NOPCHAP1: variants seen among roughly 807,000 people sequenced by gnomAD.
NOPCHAP1 encodes the protein DNA damage-sensitive RNA 1.
NOPCHAP1 carries 13 observed loss-of-function variants against 14.0 expected under a neutral mutation model. The ratio of observed to expected loss-of-function variants is 0.93; its 90% CI spans 0.60 to 1.47. The LOEUF (loss-of-function observed/expected upper bound fraction) is 1.47, where lower values mean the gene tolerates loss of function less well. Among genes scored for constraint, NOPCHAP1 ranks in the 40% most tolerant of loss-of-function variants. The probability of loss-of-function intolerance (pLI) is 0.00; values close to 1 mark genes in which losing one functional copy is unlikely to be tolerated. For missense variants in NOPCHAP1, 230 were observed against 226.9 expected (o/e 1.01, Z -0.09); for synonymous variants, 78 against 78.4 (o/e 1.00, Z 0.03).
chr12:104,996,032 T>G lies in NOPCHAP1; in HGVS notation c.*1336T>G, dbSNP rs1000429498. 2.0e-5 allele frequency: 3 copies of G among 152,116 alleles called. No homozygotes were observed. Among genetic ancestry groups the G allele is most frequent in the Non-Finnish European group, 4.4e-5 (3 of 68,022 alleles). The allele number at this position is 152,116 out of a possible 1,614,324, so 9.4% of individuals were successfully genotyped here. A position where few individuals can be genotyped will look rare whatever the true frequency, so the allele number is the denominator to read the frequency against. On this transcript the variant is annotated 3_prime_UTR_variant, in exon 4 of 4. Transcript: ENST00000552951. ...TTTTCTTCATCTATTCCAAGGTTGG[T>G]GCAAATTTCAATTGCTGACCATTTT...
In NOPCHAP1 at chr12:104,994,577, G is replaced by A. The variant is rs1303453153; in HGVS notation, c.439G>A (p.Asp147Asn). The change falls in exon 4 of 4, where the codon GAC (aspartate) becomes AAC (asparagine). Residue 147 changes from aspartate (D) to asparagine (N), a missense_variant. By Grantham distance (23) the Asp-to-Asn change is conservative. Coordinates refer to ENST00000552951, the MANE Select transcript of NOPCHAP1 (RefSeq NM_152318.3). ...TTCAGAGAACAGTTCAGAATCAGAAGACGAAGATGACAGCATCCCATCTGA... is the reference window on the plus strand; with the variant it reads ...TTCAGAGAACAGTTCAGAATCAGAAAACGAAGATGACAGCATCCCATCTGA... ...DSSENSSESEDEDDSIPSEVT... is the reference protein window; with the variant it reads ...DSSENSSESENEDDSIPSEVT... The A allele has an allele frequency of 1.2e-6, 2 of 1,612,904 alleles. No individual in the cohort carries two copies. Among genetic ancestry groups the A allele is most frequent in the Non-Finnish European group, 1.7e-6 (2 of 1,179,304 alleles).
At chr12:104,990,931 C>T (rs1873361563) in intron 2 of NOPCHAP1, among the ~76,000 whole-genome samples, 1 of 152,124 alleles carries the variant, frequency 6.6e-6, no homozygotes, top group South Asian at 2.1e-4. Context: ...GCTCAGTGTC[C>T]TCAGAGGTCA....
chr12:104,998,890 C>G lies in NOPCHAP1; in HGVS notation c.*4194C>G, dbSNP rs1023541587. ...GGCTGCTGGTCTCCATGCATAGTTT[C>G]ACACCACTGGCAGTGTTGACACAGG... On this transcript the variant is annotated 3_prime_UTR_variant, in exon 4 of 4. Coordinates refer to ENST00000552951, the MANE Select transcript of NOPCHAP1 (RefSeq NM_152318.3). The G allele has an allele frequency of 6.5e-6, 1 of 152,720 alleles. No homozygotes were observed. Among genetic ancestry groups the G allele is most frequent in the African/African-American group, 2.4e-5 (1 of 41,432 alleles). 9.5% of individuals were successfully genotyped at this position (152,720 alleles called of 1,614,324 possible).
chr12:104,988,178 A>T lies in NOPCHAP1; in HGVS notation c.127A>T (p.Arg43Trp), dbSNP rs369869604. 3.7e-6 allele frequency: 6 copies of T among 1,611,100 alleles called. No homozygotes were observed. The African/African-American group carries it at 8.0e-5, about 22-fold the overall frequency. ...GSDGRGGIWD[R>W]LLINSQPKSR... ...GTCTGTATTTTCAGGTATATGGGACAGGTTGCTCATCAACTCCCAACCTAA... is the reference window on the plus strand; with the variant it reads ...GTCTGTATTTTCAGGTATATGGGACTGGTTGCTCATCAACTCCCAACCTAA... Residue 43 changes from arginine (R) to tryptophan (W), a missense_variant, in exon 2 of 4, where the codon AGG becomes TGG. By Grantham distance (101) the Arg-to-Trp change is moderately radical. Coordinates refer to ENST00000552951, the MANE Select transcript of NOPCHAP1 (RefSeq NM_152318.3).
intron 2 of NOPCHAP1, 131 bp from the exon 3 acceptor site, chr12:104,991,581 A>G (rs549303606): frequency 2.2e-6 from 2 of 919,252 alleles, no homozygotes; most frequent in South Asian, 4.1e-5. Context: ...AGGGTTTTTA[A>G]ATGAAGGGAA....
intron 3 of NOPCHAP1, among the ~76,000 whole-genome samples, chr12:104,992,438 C>T (rs1873399727): frequency 6.6e-6 from 1 of 152,222 alleles, no homozygotes; most frequent in Admixed American, 6.5e-5. Flanking sequence ...TGGAGTATTG[C>T]AGCAATTTCT....
rs146108263 is a variant in NOPCHAP1, at chr12:105,009,515, T to A, written c.*14819T>A. On this transcript the variant is annotated 3_prime_UTR_variant, in exon 4 of 4. Coordinates refer to ENST00000552951, the MANE Select transcript of NOPCHAP1 (RefSeq NM_152318.3). ...CCAATACTATGTTGAATAGGAGTGGTGAGAGAGGGCATCCTTGTTTTGTGC... is the reference window on the plus strand; with the variant it reads ...CCAATACTATGTTGAATAGGAGTGGAGAGAGAGGGCATCCTTGTTTTGTGC... The A allele has an allele frequency of 6.6e-6, 1 of 152,304 alleles. No individual in the cohort carries two copies. Among genetic ancestry groups the A allele is most frequent in the African/African-American group, 2.4e-5 (1 of 41,562 alleles). 9.4% of individuals were successfully genotyped at this position (152,304 alleles called of 1,614,324 possible).
At position 104,988,251 on chromosome 12, in the gene NOPCHAP1, C is replaced by T. The variant is rs776606163; in HGVS notation, c.200C>T (p.Pro67Leu). The T allele has an allele frequency of 6.2e-7, 1 of 1,601,794 alleles. No individual in the cohort carries two copies. The highest frequency in any genetic ancestry group is 8.5e-7 in the Non-Finnish European group (1 of 1,169,978). Residue 67 changes from proline (P) to leucine (L), a missense_variant and splice_region_variant, in exon 2 of 4, where the codon CCC (proline) becomes CTC (leucine). Transcript: ENST00000552951. ...CAAACAGTTCGGATAGAGAGGAGTC[C>T]CTGTAAGTACCTCTTCCCCTCTCTC... ...TLQTVRIERSPLLDQVQTFLP... is the reference protein window; with the variant it reads ...TLQTVRIERSLLLDQVQTFLP...
At chr12:104,993,374 A>T (rs556977382) in intron 3 of NOPCHAP1, among the ~76,000 whole-genome samples, 1 of 151,882 alleles carries the variant, frequency 6.6e-6, no homozygotes, top group African/African-American at 2.4e-5. Context: ...GGGAAAAAAA[A>T]CCTCCAGGAT....
In NOPCHAP1 at chr12:105,005,936, TC is replaced by T. The variant is rs1873699352; in HGVS notation, c.*11241del. The T allele has an allele frequency of 6.6e-6, 1 of 152,274 alleles. No individual in the cohort carries two copies. The allele number at this position is 152,274 out of a possible 1,614,324, so 9.4% of individuals were successfully genotyped here. ...CAATGTGTTTTCTGATACTGATGCT[TC>T]TCCATCTTCCTCATCGTCTGGCACT... On this transcript the variant is annotated 3_prime_UTR_variant, in exon 4 of 4. Coordinates refer to ENST00000552951, the MANE Select transcript of NOPCHAP1 (RefSeq NM_152318.3).
rs1000213659 is a variant in NOPCHAP1 at position 105,000,396 on chromosome 12, C to G, written c.*5700C>G. 2.5e-4 allele frequency: 38 copies of G among 152,112 alleles called. No individual in the cohort carries two copies. Among genetic ancestry groups the G allele is most frequent in the African/African-American group, 8.9e-4 (37 of 41,412 alleles). The allele number at this position is 152,112 out of a possible 1,614,324, so 9.4% of individuals were successfully genotyped here. On this transcript the variant is annotated 3_prime_UTR_variant, in exon 4 of 4. Coordinates refer to ENST00000552951, the MANE Select transcript of NOPCHAP1 (RefSeq NM_152318.3). ...TAGTGGAGTTGTTTCCTGGTTTTTACCCATTAGCCCACAAACCCAAACAGT... is the reference window on the plus strand; with the variant it reads ...TAGTGGAGTTGTTTCCTGGTTTTTAGCCATTAGCCCACAAACCCAAACAGT...
chr12:104,994,466 T>C lies in NOPCHAP1; in HGVS notation c.340-12T>C. On this transcript the variant is annotated splice_polypyrimidine_tract_variant and intron_variant, in intron 3 of 3. Transcript: ENST00000552951. ...GCTCTGAAATAGATTTCCTGTCCAC[T>C]ACTTTTTGCAGGATGTGGCTTTGTT... is the stretch of plus-strand genomic sequence containing the variant. The C allele has an allele frequency of 6.2e-7, 1 of 1,611,826 alleles. No individual in the cohort carries two copies. The highest frequency in any genetic ancestry group is 8.5e-7 in the Non-Finnish European group (1 of 1,177,976).
In NOPCHAP1 at chr12:104,994,726, G is replaced by T; in HGVS notation, c.*30G>T. On this transcript the variant is annotated 3_prime_UTR_variant, in exon 4 of 4. Coordinates refer to ENST00000552951, the MANE Select transcript of NOPCHAP1 (RefSeq NM_152318.3). Reference sequence around the variant, plus strand: ...ATAAATTATCTGAAAAGAAACAGGTGACATATGTCTGCAAATTCTGTGAAA... The same window carrying T: ...ATAAATTATCTGAAAAGAAACAGGTTACATATGTCTGCAAATTCTGTGAAA... 1 of 1,552,660 alleles carries T rather than the reference G, an allele frequency of 6.4e-7. No homozygotes were observed. The highest frequency in any genetic ancestry group is 1.2e-5 in the South Asian group (1 of 86,718).
chr12:105,006,800 G>A lies in NOPCHAP1; in HGVS notation c.*12104G>A, dbSNP rs891061916. ...TTTTTTTTTTAACTTTTAGGTTCAA[G>A]GGTACTTGTGTGCAGGTTTGTTATA... On this transcript the variant is annotated 3_prime_UTR_variant, in exon 4 of 4. Coordinates refer to ENST00000552951, the MANE Select transcript of NOPCHAP1 (RefSeq NM_152318.3). The A allele has an allele frequency of 6.6e-6, 1 of 151,816 alleles. No individual in the cohort carries two copies. Among genetic ancestry groups the A allele is most frequent in the Non-Finnish European group, 1.5e-5 (1 of 67,976 alleles). The allele number at this position is 151,816 out of a possible 1,614,324, so 9.4% of individuals were successfully genotyped here.
In NOPCHAP1 at chr12:105,005,851, A is replaced by G. The variant is rs1459197807; in HGVS notation, c.*11155A>G. 1.3e-5 allele frequency: 2 copies of G among 152,236 alleles called. No homozygotes were observed. Among genetic ancestry groups the G allele is most frequent in the Non-Finnish European group, 2.9e-5 (2 of 68,046 alleles). The allele number at this position is 152,236 out of a possible 1,614,324, so 9.4% of individuals were successfully genotyped here. ...TGTGTATCATAGAAAGGTCCATGTT[A>G]TAAAAGAAGTCAAAAGCAACCTTGA... On this transcript the variant is annotated 3_prime_UTR_variant, in exon 4 of 4. Coordinates refer to ENST00000552951, the MANE Select transcript of NOPCHAP1 (RefSeq NM_152318.3).
At chr12:104,987,410 T>G (rs912596423) in intron 1 of NOPCHAP1, among the ~76,000 whole-genome samples, 1 of 152,226 alleles carries the variant, frequency 6.6e-6, no homozygotes, top group Non-Finnish European at 1.5e-5. Flanking sequence ...TGAATTCAAG[T>G]AGTCTGGCTC....
In NOPCHAP1 at chr12:105,011,669, T is replaced by C. The variant is rs1323897958; in HGVS notation, c.*16973T>C. On this transcript the variant is annotated 3_prime_UTR_variant, in exon 4 of 4. Transcript: ENST00000552951. The stretch of plus-strand genomic sequence containing the variant: ...TATTTAGTGCTGCCTTCAGGAGCTC[T>C]TGTAAGGCAGGCCTGGTGGTGACAA... 6.6e-6 allele frequency: 1 copy of C among 152,248 alleles called. No homozygotes were observed. The highest frequency in any genetic ancestry group is 1.5e-5 in the Non-Finnish European group (1 of 68,042). The allele number at this position is 152,248 out of a possible 1,614,324, so 9.4% of individuals were successfully genotyped here.
rs374482566 is a variant in NOPCHAP1 at position 105,013,606 on chromosome 12, G to A, written c.*18910G>A. On this transcript the variant is annotated 3_prime_UTR_variant, in exon 4 of 4. Transcript: ENST00000552951. The stretch of plus-strand genomic sequence containing the variant: ...TGAGCTTGAAACCCAGGGCCCTGGT[G>A]GTGTAGGCACCCGAGGGAATCTCCT... 6.6e-6 allele frequency: 1 copy of A among 152,612 alleles called. No individual in the cohort carries two copies. Among genetic ancestry groups the A allele is most frequent in the Non-Finnish European group, 1.5e-5 (1 of 68,392 alleles). The allele number at this position is 152,612 out of a possible 1,614,324, so 9.5% of individuals were successfully genotyped here.
Position 105,002,920 on chromosome 12 carries a change from ACT to A in NOPCHAP1, c.*8225_*8226del, listed in dbSNP as rs1376854705. 1.3e-5 allele frequency: 2 copies of A among 152,222 alleles called. No individual in the cohort carries two copies. Among genetic ancestry groups the A allele is most frequent in the African/African-American group, 4.8e-5 (2 of 41,452 alleles). 9.4% of individuals were successfully genotyped at this position (152,222 alleles called of 1,614,324 possible). The stretch of plus-strand genomic sequence containing the variant: ...TCCCATTTTGTAAGGCATTTGTCTA[ACT>A]TGCCTTTTCTCATTATCTTTAGAAT... On this transcript the variant is annotated 3_prime_UTR_variant, in exon 4 of 4. Transcript: ENST00000552951.
Sources: gnomAD v4.1 joint callset for allele counts (sites outside exome capture counted in the v4.1 genomes callset) on GRCh38, gnomAD v4.1.1 for gene constraint, MANE v1.5 for transcripts, NCBI Gene and HGNC (gene_info 2026-07-23, HGNC 2026-07-21) for gene names.